Variants in MTX2 observed in about 807,000 individuals in gnomAD.
MTX2 encodes the protein metaxin-2.
In MTX2, 35 loss-of-function variants were observed where a neutral mutation model predicts 42.3. The observed-to-expected ratio is 0.83, with a 90% CI of 0.63 to 1.10. The LOEUF (loss-of-function observed/expected upper bound fraction) is 1.10, where lower values mean the gene tolerates loss of function less well. Ranked by LOEUF, MTX2 falls within the 50% of genes least tolerant of loss-of-function variation. The probability of loss-of-function intolerance (pLI) is 0.00; values close to 1 mark genes in which losing one functional copy is unlikely to be tolerated. For missense variants in MTX2, 307 were observed against 304.1 expected (o/e 1.01, Z -0.07); for synonymous variants, 119 against 100.9 (o/e 1.18, Z -1.08).
chr2:176,302,919 G>C (rs1200930916), intron 3 of MTX2, among the ~76,000 whole-genome samples: 1 of 152,192 alleles, frequency 6.6e-6, no homozygotes, highest in African/African-American at 2.4e-5. Context: ...AAGGGCAGGA[G>C]AGAGGAATAT....
At chr2:176,303,684 A>G (rs570958247) in intron 3 of MTX2, among the ~76,000 whole-genome samples, 3 of 152,244 alleles carry the variant, frequency 2.0e-5, no homozygotes, top group Admixed American at 6.5e-5. Flanking sequence ...TAGTTTCTCA[A>G]CACTTAAATG....
chr2:176,313,994 A>G (rs1234043826), intron 3 of MTX2, among the ~76,000 whole-genome samples: 2 of 152,082 alleles, frequency 1.3e-5, no homozygotes, highest in Non-Finnish European at 2.9e-5. Context: ...GACTATTTCC[A>G]TTCAACCACA....
At position 176,315,708 on chromosome 2, in the gene MTX2, C is replaced by G. The variant is rs145864615; in HGVS notation, c.136-7684C>G. Among the ~76,000 whole-genome samples the G allele has an allele frequency of 6.8e-4, 104 of 152,284 alleles. 1 individual carries two copies. The highest frequency in any genetic ancestry group is 2.0e-3 in the African/African-American group (83 of 41,546). ...TTTGGTTGCCTCTCTGATCCCATCTCTTAGTACTCACTTCTTTACTCCCAC... is the reference window on the plus strand; with the variant it reads ...TTTGGTTGCCTCTCTGATCCCATCTGTTAGTACTCACTTCTTTACTCCCAC... On this transcript the variant is annotated intron_variant, in intron 3 of 9. Transcript: ENST00000249442.
rs1316111712 is a variant in MTX2, at chr2:176,337,482, TCTA to T, written c.621-8_621-6del. The T allele has an allele frequency of 6.3e-7, 1 of 1,579,228 alleles. No individual in the cohort carries two copies. Among genetic ancestry groups the T allele is most frequent in the South Asian group, 1.2e-5 (1 of 85,614 alleles). Reference sequence around the variant, plus strand: ...GCTACTTACTCACATTACTCTCATTTCTACTTTTAGGCCTACTGAACTTGACGC... The same window carrying T: ...GCTACTTACTCACATTACTCTCATTTCTTTTAGGCCTACTGAACTTGACGC... On this transcript the variant is annotated splice_region_variant and splice_polypyrimidine_tract_variant and intron_variant, in intron 9 of 9. Coordinates refer to ENST00000249442, the MANE Select transcript of MTX2 (RefSeq NM_006554.5).
intron 3 of MTX2, among the ~76,000 whole-genome samples, chr2:176,300,399 T>C (rs1274448047): frequency 1.3e-5 from 2 of 152,116 alleles, no homozygotes; most frequent in South Asian, 2.1e-4. Flanking sequence ...ACCCAGTATA[T>C]CCAAATATTA....
At chr2:176,310,361 C>A (rs1684273684) in intron 3 of MTX2, among the ~76,000 whole-genome samples, 1 of 152,126 alleles carries the variant, frequency 6.6e-6, no homozygotes, top group Non-Finnish European at 1.5e-5. Context: ...CAAGTTGAAT[C>A]TGACAATTAT....
intron 8 of MTX2, 66 bp downstream of exon 8, chr2:176,329,492 T>C: frequency 7.1e-7 from 1 of 1,405,288 alleles, no homozygotes; most frequent in Non-Finnish European, 9.5e-7. Flanking sequence ...TTCTTTATAT[T>C]GATACTCCTT....
At chr2:176,273,864 G>T (rs941384712) in intron 1 of MTX2, among the ~76,000 whole-genome samples, 2 of 151,614 alleles carry the variant, frequency 1.3e-5, no homozygotes, top group African/African-American at 4.8e-5. Context: ...TCCATACACT[G>T]CAAGCCTCAG....
At chr2:176,299,480 G>A (rs1683972768) in intron 3 of MTX2, among the ~76,000 whole-genome samples, 1 of 151,938 alleles carries the variant, frequency 6.6e-6, no homozygotes, top group African/African-American at 2.4e-5. Flanking sequence ...TCAAATCATA[G>A]TTGCAATTAA....
chr2:176,319,024 T>G (rs1684511575), intron 3 of MTX2, among the ~76,000 whole-genome samples: 1 of 152,238 alleles, frequency 6.6e-6, no homozygotes, highest in African/African-American at 2.4e-5. Flanking sequence ...AAAACGTTAT[T>G]CTGATAGGAT....
At chr2:176,318,401 C>T (rs554638422) in intron 3 of MTX2, among the ~76,000 whole-genome samples, 1 of 152,232 alleles carries the variant, frequency 6.6e-6, no homozygotes, top group East Asian at 1.9e-4. Flanking sequence ...AAATCAGGTA[C>T]AGGCAATTAT....
intron 1 of MTX2, among the ~76,000 whole-genome samples, chr2:176,274,922 CTT>C (rs1482014271): frequency 1.3e-5 from 2 of 152,178 alleles, no homozygotes; most frequent in African/African-American, 4.8e-5. Context: ...CGTTGCCTCT[CTT>C]CTCTTCCCAA....
chr2:176,306,212 TCATC>T (rs1030897366), intron 3 of MTX2, among the ~76,000 whole-genome samples: 94 of 152,316 alleles, frequency 6.2e-4, no homozygotes, highest in African/African-American at 2.2e-3. Context: ...GTTTCCAGCT[TCATC>T]CATGTCCCTA....
intron 3 of MTX2, among the ~76,000 whole-genome samples, chr2:176,300,159 T>G (rs540509235): frequency 6.6e-6 from 1 of 151,928 alleles, no homozygotes; most frequent in Non-Finnish European, 1.5e-5. Flanking sequence ...GAGAGAGAGA[T>G]ATCTTCCATT....
intron 3 of MTX2, among the ~76,000 whole-genome samples, chr2:176,316,521 C>T (rs1360923961): frequency 6.6e-6 from 1 of 152,134 alleles, no homozygotes; most frequent in African/African-American, 2.4e-5. Context: ...CCCACCTCAG[C>T]CTCCCAAGTA....
chr2:176,293,588 C>G (rs556224754), intron 1 of MTX2, among the ~76,000 whole-genome samples: 12 of 152,176 alleles, frequency 7.9e-5, no homozygotes, highest in East Asian at 5.8e-4. Flanking sequence ...CATCTCCCCC[C>G]CTTCTCTTGC....
At chr2:176,329,197 C>T in intron 7 of MTX2, 104 bp from the exon 8 acceptor site, 5 of 1,310,296 alleles carry the variant, frequency 3.8e-6, no homozygotes, top group South Asian at 1.7e-5. Flanking sequence ...TCAGATTGCT[C>T]TATTTATGTT....
intron 1 of MTX2, among the ~76,000 whole-genome samples, chr2:176,288,839 C>G (rs77867744): frequency 0.01 from 1,573 of 151,966 alleles, 20 homozygotes; most frequent in African/African-American, 0.036. Flanking sequence ...CAACAGAGGG[C>G]ATCTCTTTTC....
At chr2:176,311,836 C>T (rs1173852187) in intron 3 of MTX2, among the ~76,000 whole-genome samples, 1 of 152,196 alleles carries the variant, frequency 6.6e-6, no homozygotes, top group Admixed American at 6.5e-5. Context: ...AAAGGGATAT[C>T]CCCTGACCCC....
Sources: allele counts gnomAD v4.1 joint callset (sites outside exome capture counted in the v4.1 genomes callset), GRCh38; gene constraint gnomAD v4.1.1; transcripts MANE v1.5; gene names NCBI Gene and HGNC (gene_info 2026-07-23, HGNC 2026-07-21).